The following ERC1 variants were observed in gnomAD, a reference collection of about 807,000 sequenced individuals.
The protein encoded by ERC1 is ELKS/RAB6-interacting/CAST family member 1.
A neutral mutation model predicts 132.0 loss-of-function variants in ERC1; 56 were observed. The observed-to-expected ratio is 0.42, with a 90% confidence interval of 0.34 to 0.53. ERC1 has a LOEUF of 0.53. Ranked by LOEUF, ERC1 falls within the 20% of genes least tolerant of loss-of-function variation. The pLI is 0.03. For missense variants in ERC1, 1,202 were observed against 1,349.9 expected (o/e 0.89, Z 1.72); for synonymous variants, 478 against 476.1 (o/e 1.00, Z -0.05).
chr12:1,175,675 A>G (rs2154267973), intron 8 of ERC1, among the ~76,000 whole-genome samples: 1 of 152,072 alleles, frequency 6.6e-6, no homozygotes, highest in East Asian at 1.9e-4. Flanking sequence ...CTGGGGTTAC[A>G]GGTGCCCACC....
intron 16 of ERC1, among the ~76,000 whole-genome samples, chr12:1,384,955 T>A (rs1181532100): frequency 1.3e-5 from 2 of 152,194 alleles, no homozygotes; most frequent in Non-Finnish European, 2.9e-5. Flanking sequence ...ACCTAACTTT[T>A]AACAAGCTGA....
At chr12:1,436,159 C>CAT (rs1161495903) in intron 17 of ERC1, among the ~76,000 whole-genome samples, 1 of 141,262 alleles carries the variant, frequency 7.1e-6, no homozygotes, top group East Asian at 1.9e-4. Flanking sequence ...CAGACGGACA[C>CAT]ACACACACAC....
intron 17 of ERC1, among the ~76,000 whole-genome samples, chr12:1,438,606 AG>A (rs2093009373): frequency 6.6e-6 from 1 of 152,190 alleles, no homozygotes; most frequent in South Asian, 2.1e-4. Flanking sequence ...ATAATTTGCC[AG>A]GAAGACAATA....
chr12:1,448,332 A>G (rs988688547), intron 18 of ERC1, among the ~76,000 whole-genome samples: 15 of 152,228 alleles, frequency 9.9e-5, no homozygotes, highest in African/African-American at 3.6e-4. Flanking sequence ...ACAGAGGAAT[A>G]CAGTAACTAA....
At chr12:1,234,443 A>G (rs1364302165) in intron 12 of ERC1, among the ~76,000 whole-genome samples, 1 of 152,220 alleles carries the variant, frequency 6.6e-6, no homozygotes, top group Admixed American at 6.5e-5. Flanking sequence ...GTTGAGGAGC[A>G]TCTGTAGTAT....
chr12:1,293,477 C>CAAG (rs1186948251), intron 15 of ERC1, among the ~76,000 whole-genome samples: 11 of 109,978 alleles, frequency 1.0e-4, no homozygotes, highest in African/African-American at 3.3e-4. Flanking sequence ...ACAACAACAA[C>CAAG]AATTAGCCAG....
chr12:1,266,018 T>G (rs989438434), intron 14 of ERC1, among the ~76,000 whole-genome samples: 1 of 152,218 alleles, frequency 6.6e-6, no homozygotes, highest in Admixed American at 6.5e-5. Flanking sequence ...AACATTCACA[T>G]GCAGACTTTG....
chr12:1,207,441 C>T (rs1471700023), intron 12 of ERC1, among the ~76,000 whole-genome samples: 1 of 152,164 alleles, frequency 6.6e-6, no homozygotes, highest in African/African-American at 2.4e-5. Flanking sequence ...TTAGCTTCCA[C>T]TTTTCATTCC....
intron 15 of ERC1, among the ~76,000 whole-genome samples, chr12:1,328,673 C>T (rs2082640146): frequency 6.6e-6 from 1 of 151,660 alleles, no homozygotes; most frequent in African/African-American, 2.4e-5. Context: ...CCCTTTTCTC[C>T]CTCAGTTAAG....
chr12:1,281,556 T>TA (rs1370421731), intron 14 of ERC1, among the ~76,000 whole-genome samples: 1 of 152,190 alleles, frequency 6.6e-6, no homozygotes. Context: ...TGCAATCTAT[T>TA]ACTTAGATTA....
chr12:1,121,428 G>T (rs1947070801), intron 7 of ERC1, among the ~76,000 whole-genome samples: 1 of 152,218 alleles, frequency 6.6e-6, no homozygotes, highest in Non-Finnish European at 1.5e-5. Flanking sequence ...ATGGGGAGAA[G>T]AAGAAACAAT....
At chr12:1,243,633 C>T (rs1324162166) in intron 13 of ERC1, among the ~76,000 whole-genome samples, 2 of 152,136 alleles carry the variant, frequency 1.3e-5, no homozygotes, top group Non-Finnish European at 2.9e-5. Context: ...AGCAGTGGTT[C>T]TCAAGTAAGG....
At chr12:1,274,462 CTATT>C (rs2078104298) in intron 14 of ERC1, among the ~76,000 whole-genome samples, 1 of 150,220 alleles carries the variant, frequency 6.7e-6, no homozygotes, top group Admixed American at 6.6e-5. Flanking sequence ...AGCATCTCGT[CTATT>C]TTATTTTATT....
intron 18 of ERC1, among the ~76,000 whole-genome samples, chr12:1,478,627 A>G (rs1178279023): frequency 1.3e-5 from 2 of 151,954 alleles, no homozygotes; most frequent in African/African-American, 2.4e-5. Flanking sequence ...CCCCGTCTCT[A>G]CTAAAAATAC....
intron 9 of ERC1, among the ~76,000 whole-genome samples, chr12:1,181,278 C>A (rs984182145): frequency 1.4e-4 from 22 of 152,060 alleles, no homozygotes; most frequent in African/African-American, 5.3e-4. Context: ...GCCTTGTGGG[C>A]AACATGTGAA....
chr12:1,227,618 G>A (rs980636596), intron 12 of ERC1, among the ~76,000 whole-genome samples: 1 of 152,158 alleles, frequency 6.6e-6, no homozygotes, highest in African/African-American at 2.4e-5. Flanking sequence ...TTACTCTGTT[G>A]ATTGCTTGCA....
At chr12:1,366,750 C>T (rs1419344660) in intron 15 of ERC1, among the ~76,000 whole-genome samples, 2 of 152,134 alleles carry the variant, frequency 1.3e-5, no homozygotes, top group East Asian at 3.8e-4. Context: ...ACAGACAAAA[C>T]AGTGGGTACA....
intron 2 of ERC1, among the ~76,000 whole-genome samples, chr12:1,064,823 T>C (rs1938765726): frequency 6.6e-6 from 1 of 152,248 alleles, no homozygotes; most frequent in African/African-American, 2.4e-5. Flanking sequence ...CCTGTATCTC[T>C]GCTGAGACTT....
In ERC1 at chr12:1,403,367, T is replaced by C. The variant is rs76330089; in HGVS notation, c.2926-4782T>C. Among the ~76,000 whole-genome samples the C allele has an allele frequency of 5.8e-3, 880 of 152,284 alleles. 10 individuals carry two copies. The highest frequency in any genetic ancestry group is 0.02 in the African/African-American group (830 of 41,558). ...AGTAAAACATGAAGGAATTACTCCTTTTGCTTTTTGGTCTTATCTTGAGAA... is the reference window on the plus strand; with the variant it reads ...AGTAAAACATGAAGGAATTACTCCTCTTGCTTTTTGGTCTTATCTTGAGAA... On this transcript the variant is annotated intron_variant, in intron 16 of 18. Coordinates refer to ENST00000360905, the MANE Select transcript of ERC1 (RefSeq NM_178040.4).
Sources: gnomAD v4.1 joint callset for allele counts (sites outside exome capture counted in the v4.1 genomes callset) on GRCh38, gnomAD v4.1.1 for gene constraint, MANE v1.5 for transcripts, NCBI Gene and HGNC (gene_info 2026-07-23, HGNC 2026-07-21) for gene names.